Variants in VWA5A observed in about 807,000 individuals in gnomAD.
VWA5A encodes von Willebrand factor A domain containing 5A, also known as von Willebrand factor A domain-containing protein 5A.
A neutral mutation model predicts 84.6 loss-of-function variants in VWA5A; 77 were observed. That is an observed-to-expected ratio of 0.91 (90% confidence interval 0.76 to 1.10). The LOEUF is 1.10. Ranked by LOEUF, VWA5A falls within the 50% of genes least tolerant of loss-of-function variation. The probability of loss-of-function intolerance (pLI) is 0.00; values close to 1 mark genes in which losing one functional copy is unlikely to be tolerated. For synonymous variants in VWA5A, 334 were observed against 350.1 expected, an observed-to-expected ratio of 0.95 and a Z score of 0.51; for missense variants, 973 against 963.0, an observed-to-expected ratio of 1.01 and a Z score of -0.14.
chr11:124,124,161 A>C, intron 10 of VWA5A, 76 bp from the exon 11 acceptor site: 1 of 1,443,062 alleles, frequency 6.9e-7, no homozygotes, highest in East Asian at 2.3e-5. Context: ...AAATAGGTGG[A>C]TTTTTCAAGG....
chr11:124,141,094 G>A (rs1225638550), intron 15 of VWA5A, among the ~76,000 whole-genome samples: 1 of 152,180 alleles, frequency 6.6e-6, no homozygotes, highest in African/African-American at 2.4e-5. Context: ...GAAGTCTATG[G>A]TCTAGTTTTC....
chr11:124,123,603 C>G (rs1864968147), intron 9 of VWA5A, 57 bp from the exon 10 acceptor site: 2 of 1,613,776 alleles, frequency 1.2e-6, no homozygotes, highest in Non-Finnish European at 8.5e-7. Context: ...TTCAGGGACT[C>G]TATACTGGGC....
intron 11 of VWA5A, chr11:124,124,612 C>T: frequency 1.9e-6 from 2 of 1,053,720 alleles, no homozygotes; most frequent in Non-Finnish European, 2.4e-6. Flanking sequence ...GTAAAACATG[C>T]TGAAAACTAC....
chr11:124,130,329 C>A (rs1466141372), intron 11 of VWA5A, among the ~76,000 whole-genome samples: 1 of 151,918 alleles, frequency 6.6e-6, no homozygotes, highest in Non-Finnish European at 1.5e-5. Context: ...TTGATTGCAC[C>A]GTGGTCTGAG....
At chr11:124,125,437 C>T (rs1280840095) in intron 11 of VWA5A, among the ~76,000 whole-genome samples, 8 of 152,082 alleles carry the variant, frequency 5.3e-5, no homozygotes, top group African/African-American at 1.2e-4. Flanking sequence ...TGCCCACCAC[C>T]GCGCCCAGCT....
intron 14 of VWA5A, 114 bp downstream of exon 14, chr11:124,136,788 C>G (rs1860602493): frequency 1.3e-6 from 1 of 783,662 alleles, no homozygotes; most frequent in Admixed American, 2.5e-5. Flanking sequence ...CTCCTTCCTT[C>G]CTTCTTTCCT....
At chr11:124,141,414 G>A (rs1411051968) in intron 15 of VWA5A, among the ~76,000 whole-genome samples, 184 bp from the exon 16 acceptor site, 1 of 152,192 alleles carries the variant, frequency 6.6e-6, no homozygotes, top group Non-Finnish European at 1.5e-5. Context: ...AGAGGACACA[G>A]TAGAAGGAGA....
At chr11:124,118,462 A>G (rs771808541) in intron 5 of VWA5A, 51 bp downstream of exon 5, 29 of 1,610,896 alleles carry the variant, frequency 1.8e-5, no homozygotes, top group South Asian at 1.5e-4. Context: ...TAAATGGGGA[A>G]ATTTTCTTAA....
rs559051631 is a variant in VWA5A, at chr11:124,125,822, A to G, written c.1244+1506A>G. On this transcript the variant is annotated intron_variant, in intron 11 of 18. Coordinates refer to ENST00000456829, the MANE Select transcript of VWA5A (RefSeq NM_001130142.2). ...TACTCTATAGTTTGCTCTTAGCTTC[A>G]AAATGTATTTGAGTAATAGTTGTTA... Among the ~76,000 whole-genome samples the G allele has an allele frequency of 2.0e-5, 3 of 152,344 alleles. No homozygotes were observed. In the East Asian group the frequency reaches 5.8e-4, roughly 29 times the overall value.
At chr11:124,135,532 T>TC (rs1865164045) in intron 12 of VWA5A, among the ~76,000 whole-genome samples, 2 of 139,018 alleles carry the variant, frequency 1.4e-5, no homozygotes, top group East Asian at 2.0e-4. Flanking sequence ...CTTTTTTTTT[T>TC]TTTTTTTTTT....
At chr11:124,137,552 C>G (rs911740142) in intron 15 of VWA5A, among the ~76,000 whole-genome samples, 1 of 152,122 alleles carries the variant, frequency 6.6e-6, no homozygotes, top group Non-Finnish European at 1.5e-5. Flanking sequence ...TAATCTGAAG[C>G]TGATTTATCT....
At chr11:124,138,707 T>G (rs1186518237) in intron 15 of VWA5A, among the ~76,000 whole-genome samples, 3 of 152,232 alleles carry the variant, frequency 2.0e-5, no homozygotes, top group African/African-American at 7.2e-5. Context: ...AGATGTTTGG[T>G]TTGCAAATAT....
At chr11:124,125,754 G>A (rs914552584) in intron 11 of VWA5A, among the ~76,000 whole-genome samples, 1 of 152,134 alleles carries the variant, frequency 6.6e-6, no homozygotes, top group Non-Finnish European at 1.5e-5. Context: ...AGTTCATTCT[G>A]TAGTCTGGAT....
At chr11:124,139,051 C>G (rs1860675056) in intron 15 of VWA5A, among the ~76,000 whole-genome samples, 1 of 152,114 alleles carries the variant, frequency 6.6e-6, no homozygotes, top group African/African-American at 2.4e-5. Flanking sequence ...CTATTGTGTT[C>G]TTAGCACTTT....
At chr11:124,138,690 C>T (rs1000729274) in intron 15 of VWA5A, among the ~76,000 whole-genome samples, 23 of 152,138 alleles carry the variant, frequency 1.5e-4, no homozygotes, top group African/African-American at 5.5e-4. Flanking sequence ...TATATTAAAC[C>T]CTTATCAGAT....
chr11:124,118,962 G>A lies in VWA5A; in HGVS notation c.646-13G>A. On this transcript the variant is annotated splice_polypyrimidine_tract_variant and intron_variant, in intron 6 of 18. Coordinates refer to ENST00000456829, the MANE Select transcript of VWA5A (RefSeq NM_001130142.2). ...TGATTCTAATGTGGCTCCTTTACCT[G>A]TCCTCCACTCAGGTTTCCCTGGCTG... 1 of 1,612,958 alleles carries A rather than the reference G, an allele frequency of 6.2e-7. No homozygotes were observed. Among genetic ancestry groups the A allele is most frequent in the Non-Finnish European group, 8.5e-7 (1 of 1,179,312 alleles).
chr11:124,134,752 G>A (rs554462177), intron 11 of VWA5A, among the ~76,000 whole-genome samples, 168 bp from the exon 12 acceptor site: 1 of 152,266 alleles, frequency 6.6e-6, no homozygotes, highest in South Asian at 2.1e-4. Context: ...TTGATTTAAG[G>A]CATTTTTATA....
intron 12 of VWA5A, among the ~76,000 whole-genome samples, chr11:124,135,786 T>C (rs1325665209): frequency 6.6e-6 from 1 of 151,856 alleles, no homozygotes; most frequent in Non-Finnish European, 1.5e-5. Flanking sequence ...CGCCTCGGCC[T>C]CCCAAAGTGC....
intron 11 of VWA5A, among the ~76,000 whole-genome samples, chr11:124,127,397 T>A (rs1865034699): frequency 6.6e-6 from 1 of 152,254 alleles, no homozygotes; most frequent in Non-Finnish European, 1.5e-5. Context: ...GTGCCACATT[T>A]TCTTTATCCA....
Sources: gnomAD v4.1 joint callset for allele counts (sites outside exome capture counted in the v4.1 genomes callset) on GRCh38, gnomAD v4.1.1 for gene constraint, MANE v1.5 for transcripts, NCBI Gene and HGNC (gene_info 2026-07-23, HGNC 2026-07-21) for gene names.